MEGF11: variants seen among roughly 807,000 people sequenced by gnomAD.
The protein encoded by MEGF11 is multiple EGF like domains 11, also known as multiple epidermal growth factor-like domains protein 11.
Under a neutral mutation model 146.6 loss-of-function variants are expected in MEGF11, and 126 were observed. The observed-to-expected ratio is 0.86, with a 90% CI of 0.74 to 1.00. MEGF11 has a LOEUF of 1.00. MEGF11 is among the 50% of genes least tolerant of loss of function. The pLI, the probability that MEGF11 is intolerant of heterozygous loss-of-function variation, is 0.00. For missense variants in MEGF11, 1,509 were observed against 1,521.2 expected (o/e 0.99, Z 0.13); for synonymous variants, 532 against 583.4 (o/e 0.91, Z 1.27).
intron 11 of MEGF11, among the ~76,000 whole-genome samples, chr15:65,930,527 A>G (rs908464426): frequency 1.3e-5 from 2 of 151,998 alleles, no homozygotes; most frequent in Admixed American, 6.5e-5. Context: ...TTGTCCCTCC[A>G]ACCCTAAGAG....
intron 4 of MEGF11, among the ~76,000 whole-genome samples, chr15:66,109,350 C>G (rs2087265010): frequency 6.6e-6 from 1 of 152,190 alleles, no homozygotes; most frequent in Non-Finnish European, 1.5e-5. Context: ...GGGCAGTGTC[C>G]TGACCCCTCT....
At chr15:66,232,532 GCTCTAAAATCCTAGCTCTCTC>G (rs1321202206) in intron 1 of MEGF11, among the ~76,000 whole-genome samples, 8 of 152,004 alleles carry the variant, frequency 5.3e-5, no homozygotes, top group Admixed American at 2.0e-4. Flanking sequence ...TTAAATCCTA[GCTCTAAAATCCTAGCTCTCTC>G]CTCTAAAATC....
At chr15:65,987,342 A>C (rs116051360) in intron 5 of MEGF11, among the ~76,000 whole-genome samples, 2,842 of 152,280 alleles carry the variant, frequency 0.019, 42 homozygotes, top group Middle Eastern at 0.045. Context: ...TAAAGAGGTG[A>C]GAGCAGAGAC....
chr15:66,085,293 A>G lies in MEGF11; in HGVS notation c.394+9109T>C, dbSNP rs369697522. Among the ~76,000 whole-genome samples the G allele has an allele frequency of 1.8e-4, 28 of 152,196 alleles. No individual in the cohort carries two copies. In the East Asian group the frequency reaches 4.8e-3, roughly 26 times the overall value. The stretch of plus-strand genomic sequence containing the variant: ...ATAATTTTGGGAGTTCTACAGCCCC[A>G]CCCACTACCGGTCCCTCTCCACATT... On this transcript the variant is annotated intron_variant, in intron 5 of 25. Transcript: ENST00000395614.
intron 5 of MEGF11, among the ~76,000 whole-genome samples, chr15:66,047,953 G>GTTTT (rs112189578): frequency 1.4e-5 from 2 of 145,596 alleles, no homozygotes. Flanking sequence ...TGGGAGGAGT[G>GTTTT]TTTTTTTTTT....
chr15:66,072,953 T>C (rs918239669), intron 5 of MEGF11, among the ~76,000 whole-genome samples: 3 of 152,218 alleles, frequency 2.0e-5, no homozygotes, highest in African/African-American at 4.8e-5. Flanking sequence ...AGAACCTTAA[T>C]AAGAAATCGG....
chr15:66,029,463 G>A (rs894828388), intron 5 of MEGF11, among the ~76,000 whole-genome samples: 3 of 152,200 alleles, frequency 2.0e-5, no homozygotes, highest in African/African-American at 7.2e-5. Flanking sequence ...TTCACCTGCT[G>A]GCCTGGCATA....
intron 19 of MEGF11, among the ~76,000 whole-genome samples, chr15:65,915,203 C>A (rs2078953567): frequency 6.6e-6 from 1 of 152,216 alleles, no homozygotes. Context: ...GTCTGGTGGC[C>A]TTTCCATAGT....
chr15:65,957,798 G>T, intron 9 of MEGF11, 77 bp from the exon 10 acceptor site: 1 of 1,426,682 alleles, frequency 7.0e-7, no homozygotes, highest in Non-Finnish European at 9.8e-7. Context: ...TCTACCCCAA[G>T]CCTGGCTTGC....
intron 1 of MEGF11, among the ~76,000 whole-genome samples, chr15:66,174,396 C>T (rs765434924): frequency 5.3e-5 from 8 of 152,302 alleles, no homozygotes; most frequent in South Asian, 2.1e-4. Context: ...AAACTCACCC[C>T]GGTGAATTGA....
At chr15:66,012,058 C>A in intron 5 of MEGF11, among the ~76,000 whole-genome samples, 1 of 108,862 alleles carries the variant, frequency 9.2e-6, no homozygotes, top group African/African-American at 2.9e-5. Context: ...AGTGAGACCC[C>A]ATCTCTTAAA....
At chr15:65,961,849 A>AG (rs139243892) in intron 9 of MEGF11, among the ~76,000 whole-genome samples, 1,544 of 152,276 alleles carry the variant, frequency 0.01, 22 homozygotes, top group African/African-American at 0.033. Flanking sequence ...GGGAGCTTTG[A>AG]GGCTAGGCTT....
chr15:66,001,228 T>C (rs2082356669), intron 5 of MEGF11, among the ~76,000 whole-genome samples: 1 of 152,020 alleles, frequency 6.6e-6, no homozygotes, highest in Non-Finnish European at 1.5e-5. Context: ...CCCCCACACA[T>C]CCACACGCCC....
chr15:65,936,797 G>T (rs1465808619), intron 10 of MEGF11, among the ~76,000 whole-genome samples: 2 of 152,214 alleles, frequency 1.3e-5, no homozygotes, highest in South Asian at 4.2e-4. Flanking sequence ...TGAGTGAGGG[G>T]CCCTGGTAGG....
chr15:66,123,653 C>G (rs994218895), intron 3 of MEGF11, among the ~76,000 whole-genome samples: 4 of 152,098 alleles, frequency 2.6e-5, no homozygotes, highest in Admixed American at 2.0e-4. Context: ...AGTTATCCAC[C>G]ACCTCCCCAT....
intron 10 of MEGF11, among the ~76,000 whole-genome samples, chr15:65,933,981 T>G (rs1292295692): frequency 6.6e-6 from 1 of 152,212 alleles, no homozygotes; most frequent in East Asian, 1.9e-4. Context: ...TAGCATCTCT[T>G]AGGGAAAGAA....
At chr15:66,074,077 T>A (rs1180651784) in intron 5 of MEGF11, among the ~76,000 whole-genome samples, 1 of 152,214 alleles carries the variant, frequency 6.6e-6, no homozygotes. Flanking sequence ...TGAAAAACAT[T>A]ACCCGGTTGA....
chr15:66,155,872 A>G (rs2089738368), intron 1 of MEGF11, among the ~76,000 whole-genome samples: 1 of 152,198 alleles, frequency 6.6e-6, no homozygotes, highest in South Asian at 2.1e-4. Flanking sequence ...GATTAGAGTA[A>G]TCACTTACTC....
chr15:65,968,228 G>T (rs1254879901), intron 8 of MEGF11, among the ~76,000 whole-genome samples: 3 of 152,070 alleles, frequency 2.0e-5, no homozygotes, highest in Non-Finnish European at 2.9e-5. Context: ...CAGAAGGGGA[G>T]GAAAAAGAGC....
Sources: allele counts gnomAD v4.1 joint callset (sites outside exome capture counted in the v4.1 genomes callset), GRCh38; gene constraint gnomAD v4.1.1; transcripts MANE v1.5; gene names NCBI Gene and HGNC (gene_info 2026-07-23, HGNC 2026-07-21).